The following FRMD6 variants were observed in gnomAD, a reference collection of about 807,000 sequenced individuals.
FRMD6 encodes FERM domain-containing protein 6.
FRMD6 carries 37 observed loss-of-function variants against 73.2 expected under a neutral mutation model. That is an observed-to-expected ratio of 0.51 (90% CI 0.39 to 0.66). The LOEUF is 0.66. FRMD6 is among the 30% of genes least tolerant of loss of function. FRMD6 has a pLI of 0.00. For missense variants in FRMD6, 714 were observed against 780.5 expected (o/e 0.91, Z 1.02); for synonymous variants, 273 against 282.2 (o/e 0.97, Z 0.33).
At chr14:51,632,924 T>C (rs117725758) in intron 2 of FRMD6, among the ~76,000 whole-genome samples, 144 of 152,340 alleles carry the variant, frequency 9.5e-4, no homozygotes, top group Non-Finnish European at 1.7e-3. Flanking sequence ...TTTGGGGACA[T>C]GGAAATTTTA....
Position 51,681,875 on chromosome 14 carries a change from A to C in FRMD6, c.-146-7816A>C, listed in dbSNP as rs1022723967. On this transcript the variant is annotated intron_variant, in intron 1 of 13. Coordinates refer to ENST00000344768, the MANE Select transcript of FRMD6 (RefSeq NM_001267046.2). ...GTTTACTGATCAATTTTCAAATTAC[A>C]TATCAACCATGCTTTCCAGTTATTT... Among the ~76,000 whole-genome samples the C allele has an allele frequency of 4.6e-5, 7 of 152,194 alleles. 1 individual carries two copies. In the South Asian group the frequency reaches 1.0e-3, roughly 22 times the overall value.
At chr14:51,507,184 T>G (rs1481258443) in intron 1 of FRMD6, among the ~76,000 whole-genome samples, 1 of 150,334 alleles carries the variant, frequency 6.7e-6, no homozygotes, top group Non-Finnish European at 1.5e-5. Context: ...GAAAGCAGCC[T>G]TAGCTACGGT....
chr14:51,508,345 G>A (rs1884095936), intron 1 of FRMD6, among the ~76,000 whole-genome samples: 1 of 152,234 alleles, frequency 6.6e-6, no homozygotes, highest in Admixed American at 6.5e-5. Context: ...AAATTGTCTG[G>A]GAGCTCTGCC....
chr14:51,727,007 A>G (rs760163180), intron 13 of FRMD6, among the ~76,000 whole-genome samples: 3 of 152,030 alleles, frequency 2.0e-5, no homozygotes, highest in Non-Finnish European at 4.4e-5. Context: ...ACCTATTTCT[A>G]ATACCACCTC....
In FRMD6 at chr14:51,654,760, A is replaced by C. The variant is rs926915685; in HGVS notation, c.-147+2764A>C. On this transcript the variant is annotated intron_variant, in intron 1 of 13. Transcript: ENST00000344768. ...TGCCTGGATCCCAGATGGCATTCAC[A>C]AATTATCCCTTAGGTAGTTTTCTGA... Among the ~76,000 whole-genome samples the C allele has an allele frequency of 8.0e-4, 122 of 152,316 alleles. 1 individual carries two copies. The highest frequency in any genetic ancestry group is 2.5e-4 in the Non-Finnish European group (17 of 68,028).
chr14:51,559,490 T>G (rs6572775), intron 1 of FRMD6, among the ~76,000 whole-genome samples: 59,541 of 151,550 alleles, frequency 0.39, 12,020 homozygotes, highest in East Asian at 0.51. Context: ...TTTTTTTTTT[T>G]TTTTAAGCAA....
At chr14:51,703,894 A>G (rs181204253) in intron 5 of FRMD6, among the ~76,000 whole-genome samples, 1 of 152,252 alleles carries the variant, frequency 6.6e-6, no homozygotes. Flanking sequence ...TCATTAAAAT[A>G]TGTACACACA....
chr14:51,526,323 CTTTG>C (rs940648433), intron 1 of FRMD6, among the ~76,000 whole-genome samples: 4 of 152,226 alleles, frequency 2.6e-5, no homozygotes, highest in African/African-American at 4.8e-5. Context: ...GCCGCCACCT[CTTTG>C]TTTGAAGGTT....
rs191696674 is a variant in FRMD6, at chr14:51,512,949, C to T, written c.-210+23529C>T. ...CCAGCAGTGAAAAGTGCCTCAAGGG[C>T]ACTCCTTCCCAGAAGTGGAAAGTGG... On this transcript the variant is annotated intron_variant, in intron 1 of 14. Coordinates refer to the FRMD6 transcript ENST00000356218. Among the ~76,000 whole-genome samples the T allele has an allele frequency of 1.4e-4, 21 of 152,270 alleles. No individual in the cohort carries two copies. The East Asian group carries it at 3.9e-3, about 28-fold the overall frequency.
the FRMD6 span, among the ~76,000 whole-genome samples, chr14:51,448,955 C>T: frequency 6.6e-6 from 1 of 152,180 alleles, no homozygotes; most frequent in Non-Finnish European, 1.5e-5. Flanking sequence ...AGTCATGGTA[C>T]CTCATCTCAG....
chr14:51,631,193 A>T (rs567584741), intron 2 of FRMD6, among the ~76,000 whole-genome samples: 1 of 152,210 alleles, frequency 6.6e-6, no homozygotes, highest in South Asian at 2.1e-4. Context: ...GGTAAGACGA[A>T]TCTTTACTGA....
the FRMD6 span, among the ~76,000 whole-genome samples, chr14:51,411,431 G>A: frequency 1.3e-5 from 2 of 152,196 alleles, no homozygotes; most frequent in South Asian, 2.1e-4. Context: ...AGTCGGTGGA[G>A]GGGAGCTGAG....
At chr14:51,575,332 C>A (rs534917926) in intron 2 of FRMD6, among the ~76,000 whole-genome samples, 9 of 152,108 alleles carry the variant, frequency 5.9e-5, no homozygotes, top group Admixed American at 4.6e-4. Context: ...ATGAAATAAC[C>A]TTTACAAAGA....
chr14:51,603,404 A>G (rs1890117555), intron 2 of FRMD6, among the ~76,000 whole-genome samples: 1 of 152,072 alleles, frequency 6.6e-6, no homozygotes, highest in South Asian at 2.1e-4. Flanking sequence ...CAACTTTCAG[A>G]TATGTTGTAT....
upstream of FRMD6, chr14:51,651,100 G>T (rs1342930166): frequency 1.3e-5 from 2 of 152,616 alleles, no homozygotes; most frequent in Non-Finnish European, 2.9e-5. Context: ...TCTTCCACTG[G>T]CCCTTTGCAT....
chr14:51,401,903 C>T, the FRMD6 span, among the ~76,000 whole-genome samples: 5 of 152,086 alleles, frequency 3.3e-5, no homozygotes, highest in Admixed American at 3.3e-4. Flanking sequence ...GAAAACAGGC[C>T]GTGGAGGGAG....
chr14:51,403,594 A>T, the FRMD6 span, among the ~76,000 whole-genome samples: 211 of 151,970 alleles, frequency 1.4e-3, 1 homozygote, highest in Middle Eastern at 3.4e-3. Flanking sequence ...TAGAGACGAG[A>T]TCTTGCTATG....
chr14:51,618,602 A>G (rs954776692), intron 2 of FRMD6, among the ~76,000 whole-genome samples: 7 of 152,170 alleles, frequency 4.6e-5, no homozygotes, highest in Admixed American at 2.6e-4. Context: ...GTGAAATAAC[A>G]GGACTTGCTG....
At chr14:51,650,392 T>G (rs1352838233), upstream of FRMD6, 1 of 23,570 alleles carries the variant, frequency 4.2e-5, no homozygotes, top group African/African-American at 1.3e-4. Flanking sequence ...AGCAGGGCAG[T>G]TTTTTTTTTT....
Sources: allele counts gnomAD v4.1 joint callset (sites outside exome capture counted in the v4.1 genomes callset), GRCh38; gene constraint gnomAD v4.1.1; transcripts MANE v1.5; gene names NCBI Gene and HGNC (gene_info 2026-07-23, HGNC 2026-07-21).